IGSF10: variants seen among roughly 807,000 people sequenced by gnomAD.
IGSF10 encodes immunoglobulin superfamily member 10, also known as calvaria mechanical force protein 608.
A neutral mutation model predicts 128.2 loss-of-function variants in IGSF10; 126 were observed. The ratio of observed to expected loss-of-function variants is 0.98; its 90% CI spans 0.85 to 1.14. The LOEUF (loss-of-function observed/expected upper bound fraction) is 1.14. Among genes scored for constraint, IGSF10 ranks in the 50% most tolerant of loss-of-function variants. The pLI is 0.00. For synonymous variants in IGSF10, 1,185 were observed against 1,146.2 expected, an observed-to-expected ratio of 1.03 and a Z score of -0.68; for missense variants, 3,295 against 3,149.8, an observed-to-expected ratio of 1.05 and a Z score of -1.10.
At chr3:151,513,443 T>C in the IGSF10 span, among the ~76,000 whole-genome samples, 2 of 152,188 alleles carry the variant, frequency 1.3e-5, no homozygotes, top group Admixed American at 1.3e-4. Flanking sequence ...AAACTCTCAA[T>C]AAGTTAGGTA....
At chr3:151,487,004 T>TAA in the IGSF10 span, among the ~76,000 whole-genome samples, 2 of 151,850 alleles carry the variant, frequency 1.3e-5, no homozygotes, top group Non-Finnish European at 2.9e-5. Context: ...CTGAAGGAGA[T>TAA]AGACATGAAA....
At chr3:151,576,534 C>T in the IGSF10 span, among the ~76,000 whole-genome samples, 6 of 152,130 alleles carry the variant, frequency 3.9e-5, no homozygotes, top group Non-Finnish European at 7.4e-5. Flanking sequence ...CGTTTGGTCT[C>T]AGTGAGATAG....
the IGSF10 span, among the ~76,000 whole-genome samples, chr3:151,549,256 T>C: frequency 6.6e-6 from 1 of 152,082 alleles, no homozygotes; most frequent in Non-Finnish European, 1.5e-5. Flanking sequence ...ATTTTTATCT[T>C]TTTTTGGAGG....
the IGSF10 span, among the ~76,000 whole-genome samples, chr3:151,574,334 C>T: frequency 6.6e-6 from 1 of 152,118 alleles, no homozygotes; most frequent in Non-Finnish European, 1.5e-5. Flanking sequence ...TTCCATTCTC[C>T]CTGTCACATT....
chr3:151,554,295 T>C, the IGSF10 span, among the ~76,000 whole-genome samples: 2 of 152,140 alleles, frequency 1.3e-5, no homozygotes, highest in Non-Finnish European at 2.9e-5. Context: ...GAATGTATTT[T>C]AACTCTAAAA....
the IGSF10 span, among the ~76,000 whole-genome samples, chr3:151,567,771 A>G: frequency 1.3e-5 from 2 of 152,168 alleles, no homozygotes; most frequent in East Asian, 1.9e-4. Flanking sequence ...AGACAATTCT[A>G]AACCTGCTTA....
the IGSF10 span, among the ~76,000 whole-genome samples, chr3:151,570,728 C>T: frequency 2.6e-5 from 4 of 152,172 alleles, no homozygotes; most frequent in African/African-American, 4.8e-5. Context: ...TGCAGAAGCT[C>T]TTTAGTTTAA....
the IGSF10 span, among the ~76,000 whole-genome samples, chr3:151,609,217 GA>G: frequency 1.3e-5 from 2 of 152,190 alleles, no homozygotes; most frequent in African/African-American, 4.8e-5. Flanking sequence ...AAGAGAATTT[GA>G]CATGCATGAG....
At chr3:151,543,412 C>G in the IGSF10 span, among the ~76,000 whole-genome samples, 1 of 152,142 alleles carries the variant, frequency 6.6e-6, no homozygotes, top group African/African-American at 2.4e-5. Context: ...ACCCCCACAC[C>G]TGCAGCTGCA....
chr3:151,554,322 T>C, the IGSF10 span, among the ~76,000 whole-genome samples: 1 of 152,088 alleles, frequency 6.6e-6, no homozygotes, highest in African/African-American at 2.4e-5. Context: ...ATAAAAAAAT[T>C]ATATACTTTA....
chr3:151,589,399 A>G, the IGSF10 span, among the ~76,000 whole-genome samples: 2,464 of 152,338 alleles, frequency 0.016, 23 homozygotes, highest in South Asian at 0.025. Flanking sequence ...GTACTTGACA[A>G]TGATCTTACA....
chr3:151,518,837 T>C, the IGSF10 span, among the ~76,000 whole-genome samples: 1 of 151,898 alleles, frequency 6.6e-6, no homozygotes, highest in African/African-American at 2.4e-5. Flanking sequence ...AAGGAGACGT[T>C]CTAAAGAGTA....
chr3:151,595,944 G>A, the IGSF10 span, among the ~76,000 whole-genome samples: 2 of 152,114 alleles, frequency 1.3e-5, no homozygotes, highest in Non-Finnish European at 2.9e-5. Context: ...TTTACTGAGA[G>A]TAGATTTTAG....
the IGSF10 span, among the ~76,000 whole-genome samples, chr3:151,549,394 C>G: frequency 6.6e-6 from 1 of 152,184 alleles, no homozygotes; most frequent in East Asian, 1.9e-4. Context: ...AGTTGTTTAG[C>G]TGCATGGACT....
rs146689901 is a variant in IGSF10 at position 151,448,138 on chromosome 3, G to C, written c.1843C>G (p.Leu615Val). 3.7e-6 allele frequency: 6 copies of C among 1,614,142 alleles called. No homozygotes were observed. In the African/African-American group the frequency reaches 8.0e-5, roughly 22 times the overall value. ...ISWVIPGNNVLYQSSRDKKVL... is the reference protein window; with the variant it reads ...ISWVIPGNNVVYQSSRDKKVL... ...TTCTTGTCTCTTGATGACTGATAGA[G>C]CACATTGTTTCCTGGAATAACCCAG... Residue 615 changes from leucine to valine, a missense_variant, in exon 6 of 8, where the codon CTC becomes GTC. Coordinates refer to ENST00000282466, the MANE Select transcript of IGSF10 (RefSeq NM_178822.5).
the IGSF10 span, among the ~76,000 whole-genome samples, chr3:151,516,326 A>G: frequency 2.6e-5 from 4 of 152,058 alleles, no homozygotes. Flanking sequence ...CAAGATTACT[A>G]TCACAAGACC....
At chr3:151,476,665 C>A in the IGSF10 span, among the ~76,000 whole-genome samples, 2 of 152,134 alleles carry the variant, frequency 1.3e-5, no homozygotes, top group African/African-American at 4.8e-5. Context: ...TTTCAGGCCC[C>A]CAGGGAGAAT....
chr3:151,514,311 T>A, the IGSF10 span, among the ~76,000 whole-genome samples: 3 of 152,036 alleles, frequency 2.0e-5, 1 homozygote, highest in South Asian at 6.2e-4. Flanking sequence ...TCAGAAATAA[T>A]GACACATATC....
chr3:151,474,375 C>T, the IGSF10 span, among the ~76,000 whole-genome samples: 2 of 152,168 alleles, frequency 1.3e-5, no homozygotes, highest in African/African-American at 4.8e-5. Flanking sequence ...GAGCAACTGA[C>T]AGTTGGTTTG....
Sources: allele counts gnomAD v4.1 joint callset (sites outside exome capture counted in the v4.1 genomes callset), GRCh38; gene constraint gnomAD v4.1.1; transcripts MANE v1.5; gene names NCBI Gene and HGNC (gene_info 2026-07-23, HGNC 2026-07-21).